The following PTH2R variants were observed in gnomAD, a reference collection of about 807,000 sequenced individuals.
PTH2R encodes the protein PTH2 receptor.
PTH2R carries 59 observed loss-of-function variants against 60.3 expected under a neutral mutation model. That is an observed-to-expected ratio of 0.98 (90% CI 0.79 to 1.22). PTH2R has a LOEUF of 1.22. Among genes scored for constraint, PTH2R ranks in the 50% most tolerant of loss-of-function variants. The pLI, the probability that PTH2R is intolerant of heterozygous loss-of-function variation, is 0.00. For missense variants in PTH2R, 749 were observed against 682.6 expected (o/e 1.10, Z -1.08); for synonymous variants, 256 against 243.8 (o/e 1.05, Z -0.47).
At chr2:208,467,697 C>T (rs1702784180) in intron 9 of PTH2R, among the ~76,000 whole-genome samples, 1 of 152,072 alleles carries the variant, frequency 6.6e-6, no homozygotes, top group African/African-American at 2.4e-5. Context: ...AAGATAGGTG[C>T]CTACAGAAGT....
intron 1 of PTH2R, among the ~76,000 whole-genome samples, chr2:208,410,074 C>T (rs4462735): frequency 0.74 from 111,690 of 151,926 alleles, 44,891 homozygotes; most frequent in East Asian, 0.94. Context: ...TCCCATGCTG[C>T]GAAAAAATGG....
intron 8 of PTH2R, among the ~76,000 whole-genome samples, chr2:208,454,941 TCA>T (rs1253865658): frequency 1.3e-4 from 20 of 152,322 alleles, no homozygotes; most frequent in African/African-American, 4.3e-4. Context: ...AACCTGTCAC[TCA>T]CTGTTCCTGA....
chr2:208,364,534 C>G (rs1012946274), intron 1 of PTH2R, among the ~76,000 whole-genome samples: 2 of 152,008 alleles, frequency 1.3e-5, no homozygotes, highest in African/African-American at 4.8e-5. Context: ...GGTCAGTTGG[C>G]CATGTGTACA....
rs1281505667 is a variant in PTH2R, at chr2:208,437,839, A to C, written c.369A>C (p.Ser123=). 6.2e-7 allele frequency: 1 copy of C among 1,613,930 alleles called. No individual in the cohort carries two copies. Among genetic ancestry groups the C allele is most frequent in the Non-Finnish European group, 8.5e-7 (1 of 1,179,802 alleles). ...HSLNKTWANY[S]DCLRFLQPDI... is the part of the protein sequence containing the mutation. ...TAAATAAAACATGGGCCAATTATTC[A>C]GACTGCCTTCGCTTTCTGCAGCCAG... Residue 123 remains serine, a synonymous_variant, in exon 4 of 13, where the codon TCA becomes TCC. Coordinates refer to ENST00000272847, the MANE Select transcript of PTH2R (RefSeq NM_005048.4).
At chr2:208,384,880 G>C (rs970945201) in intron 1 of PTH2R, among the ~76,000 whole-genome samples, 1 of 151,934 alleles carries the variant, frequency 6.6e-6, no homozygotes, top group Non-Finnish European at 1.5e-5. Flanking sequence ...TTTTTGCAGC[G>C]GTCCATTCTC....
intron 8 of PTH2R, among the ~76,000 whole-genome samples, chr2:208,452,189 C>G (rs1228249977): frequency 3.9e-5 from 6 of 152,136 alleles, no homozygotes; most frequent in Non-Finnish European, 5.9e-5. Context: ...TCTGGAACAG[C>G]AGATGTACAA....
upstream of PTH2R, among the ~76,000 whole-genome samples, chr2:208,405,194 T>A (rs564288186): frequency 6.6e-6 from 1 of 152,178 alleles, no homozygotes; most frequent in Admixed American, 6.5e-5. Flanking sequence ...ACCTAAAAAA[T>A]TGATACTTTA....
intron 9 of PTH2R, among the ~76,000 whole-genome samples, chr2:208,475,431 A>G (rs919956841): frequency 1.3e-5 from 2 of 152,312 alleles, no homozygotes; most frequent in East Asian, 3.9e-4. Context: ...CAAACACACC[A>G]TAAAACCTAT....
intron 1 of PTH2R, among the ~76,000 whole-genome samples, chr2:208,411,058 C>T (rs1448761219): frequency 3.9e-5 from 6 of 152,060 alleles, no homozygotes; most frequent in Non-Finnish European, 7.4e-5. Context: ...CCAGCCTGGC[C>T]GACATGGTGA....
At chr2:208,464,021 C>T (rs1702686519) in intron 9 of PTH2R, among the ~76,000 whole-genome samples, 1 of 152,198 alleles carries the variant, frequency 6.6e-6, no homozygotes, top group African/African-American at 2.4e-5. Context: ...TAATTATTAA[C>T]TCTTGTTGGT....
At chr2:208,436,452 C>T (rs1702076387) in intron 2 of PTH2R, among the ~76,000 whole-genome samples, 1 of 152,152 alleles carries the variant, frequency 6.6e-6, no homozygotes, top group Non-Finnish European at 1.5e-5. Context: ...GCACTAGTTA[C>T]CAACTTGTCT....
intron 10 of PTH2R, among the ~76,000 whole-genome samples, chr2:208,487,693 A>G (rs1380778682): frequency 1.3e-5 from 2 of 152,176 alleles, no homozygotes; most frequent in Admixed American, 1.3e-4. Flanking sequence ...CCAGGCTGCA[A>G]TTGATTTGTC....
chr2:208,420,045 A>T (rs1052389064), intron 1 of PTH2R, among the ~76,000 whole-genome samples: 2 of 152,176 alleles, frequency 1.3e-5, no homozygotes, highest in African/African-American at 4.8e-5. Flanking sequence ...ACAAAAAACC[A>T]AACACCGCAT....
At chr2:208,446,161 A>G (rs1239487064) in intron 7 of PTH2R, among the ~76,000 whole-genome samples, 1 of 152,168 alleles carries the variant, frequency 6.6e-6, no homozygotes, top group Non-Finnish European at 1.5e-5. Context: ...TACATTTTTA[A>G]TAAATTCTTT....
chr2:208,365,138 C>T (rs565266278), intron 1 of PTH2R, among the ~76,000 whole-genome samples: 1 of 151,464 alleles, frequency 6.6e-6, no homozygotes, highest in Non-Finnish European at 1.5e-5. Flanking sequence ...TTCTTTCTTC[C>T]CAATTTGGAT....
chr2:208,405,355 A>G (rs1028090272), upstream of PTH2R, among the ~76,000 whole-genome samples: 1 of 152,246 alleles, frequency 6.6e-6, no homozygotes, highest in Non-Finnish European at 1.5e-5. Context: ...ATAAAAGAAA[A>G]GACTGCTAGA....
intron 1 of PTH2R, among the ~76,000 whole-genome samples, chr2:208,421,140 G>T (rs540616220): frequency 1.3e-5 from 2 of 152,132 alleles, no homozygotes; most frequent in Non-Finnish European, 2.9e-5. Flanking sequence ...CAATGTGATC[G>T]CATTCTTAAT....
intron 1 of PTH2R, among the ~76,000 whole-genome samples, chr2:208,399,184 T>A (rs1701263655): frequency 6.6e-6 from 1 of 152,218 alleles, no homozygotes; most frequent in African/African-American, 2.4e-5. Context: ...AAAAACATTT[T>A]ATACTCTCCA....
At chr2:208,408,466 G>A (rs1231746120) in intron 1 of PTH2R, among the ~76,000 whole-genome samples, 2 of 151,702 alleles carry the variant, frequency 1.3e-5, no homozygotes, top group South Asian at 2.1e-4. Context: ...AACTCTAACC[G>A]TTTATTTTAT....
Sources: allele counts gnomAD v4.1 joint callset (sites outside exome capture counted in the v4.1 genomes callset), GRCh38; gene constraint gnomAD v4.1.1; transcripts MANE v1.5; gene names NCBI Gene and HGNC (gene_info 2026-07-23, HGNC 2026-07-21).